PLAT: variants seen among roughly 807,000 people sequenced by gnomAD.
PLAT encodes tissue-type plasminogen activator.
PLAT carries 48 observed loss-of-function variants against 74.9 expected under a neutral mutation model. That is an observed-to-expected ratio of 0.64 (90% CI 0.51 to 0.82). PLAT has a LOEUF of 0.82. PLAT is among the 40% of genes least tolerant of loss of function. PLAT has a pLI of 0.00. For synonymous variants in PLAT, 307 were observed against 294.4 expected, an observed-to-expected ratio of 1.04 and a Z score of -0.44; for missense variants, 673 against 736.2, an observed-to-expected ratio of 0.91 and a Z score of 0.99.
In PLAT at chr8:42,174,801, T is replaced by A. The variant is rs1235344626; in HGVS notation, c.*1192A>T. On this transcript the variant is annotated 3_prime_UTR_variant, in exon 14 of 14. Coordinates refer to ENST00000220809, the MANE Select transcript of PLAT (RefSeq NM_000930.5). ...CAGCCTATGTTCCTCTTCCTGAAGT[T>A]CACTTCAGACAAGCTCAACTCATTT... Among the ~76,000 whole-genome samples the A allele has an allele frequency of 2.0e-5, 3 of 152,156 alleles. No homozygotes were observed. The highest frequency in any genetic ancestry group is 2.9e-5 in the Non-Finnish European group (2 of 68,030).
At chr8:42,176,289 A>G (rs1804972610) in intron 13 of PLAT, 138 bp from the exon 14 acceptor site, 7 of 655,274 alleles carry the variant, frequency 1.1e-5, no homozygotes, top group Non-Finnish European at 1.5e-5. Flanking sequence ...TCATTTCATT[A>G]TAACTTTGAT....
chr8:42,187,241 C>G, intron 6 of PLAT, 157 bp downstream of exon 6: 1 of 555,100 alleles, frequency 1.8e-6, no homozygotes, highest in Non-Finnish European at 3.1e-6. Flanking sequence ...AATCTATCAT[C>G]TATCACCTAT....
chr8:42,198,731 T>C (rs1806015127), intron 1 of PLAT, among the ~76,000 whole-genome samples: 1 of 152,204 alleles, frequency 6.6e-6, no homozygotes, highest in South Asian at 2.1e-4. Context: ...GTTTGCTACA[T>C]TTATCTTTGG....
At chr8:42,199,311 T>C (rs1041535445) in intron 1 of PLAT, among the ~76,000 whole-genome samples, 1 of 152,198 alleles carries the variant, frequency 6.6e-6, no homozygotes, top group Non-Finnish European at 1.5e-5. Flanking sequence ...GTGAAGAGTA[T>C]AGCATCCTCT....
At chr8:42,180,708 GCAGT>G (rs751909777) in intron 9 of PLAT, 23 bp from the exon 10 acceptor site, 1 of 1,540,720 alleles carries the variant, frequency 6.5e-7, no homozygotes, top group South Asian at 1.3e-5. Flanking sequence ...GGACGAGGAG[GCAGT>G]CAGTCCCACA....
chr8:42,181,992 G>T lies in PLAT; in HGVS notation c.834C>A (p.Cys278Ter). The T allele has an allele frequency of 6.2e-7, 1 of 1,611,108 alleles. No individual in the cohort carries two copies. Among genetic ancestry groups the T allele is most frequent in the Non-Finnish European group, 8.5e-7 (1 of 1,177,202 alleles). The change falls in exon 9 of 14, where the codon TGC becomes TGA. Residue 278 changes from cysteine to a stop codon, truncating the protein, a stop_gained. Transcript: ENST00000220809. LOFTEE classifies it high-confidence loss of function. ...RNPDGDAKPWCHVLKNRRLTW... is the reference protein window; with the variant it reads ...RNPDGDAKPW ...TCAGCCTGCGGTTCTTCAGCACGTG[G>T]CACCAGGGCTTGGCATCCCCATCAG...
intron 1 of PLAT, among the ~76,000 whole-genome samples, chr8:42,194,241 A>AGAGAGAGAGAGAGAGAGAGTGTGTGT (rs1419569830): frequency 3.8e-5 from 2 of 52,576 alleles, no homozygotes; most frequent in African/African-American, 1.3e-4. Flanking sequence ...AGAGAGAGAG[A>AGAGAGAGAGAGAGAGAGAGTGTGTGT]GTGTGTGTGT....
intron 1 of PLAT, among the ~76,000 whole-genome samples, chr8:42,194,233 AGAGAGAGAGTGTGTGT>A (rs1225754223): frequency 1.3e-4 from 8 of 61,384 alleles, no homozygotes; most frequent in African/African-American, 1.9e-4. Context: ...AGAGAGAGAG[AGAGAGAGAGTGTGTGT>A]GTGTGTGTGT....
chr8:42,188,101 A>G (rs867984816), intron 4 of PLAT, 85 bp from the exon 5 acceptor site: 1 of 736,908 alleles, frequency 1.4e-6, no homozygotes, highest in Non-Finnish European at 2.3e-6. Flanking sequence ...GTCTACCACA[A>G]TCCACACACA....
chr8:42,192,299 C>T (rs1357410632), intron 2 of PLAT, among the ~76,000 whole-genome samples: 1 of 152,152 alleles, frequency 6.6e-6, no homozygotes, highest in Non-Finnish European at 1.5e-5. Context: ...TCACTGTGCC[C>T]TGTCCTGCAT....
At chr8:42,191,701 G>A (rs1401405926) in intron 2 of PLAT, among the ~76,000 whole-genome samples, 2 of 152,064 alleles carry the variant, frequency 1.3e-5, no homozygotes, top group East Asian at 1.9e-4. Flanking sequence ...TTTGAATGTG[G>A]CCAGTGGGAC....
rs753194160 is a variant in PLAT, at chr8:42,179,972, C to T, written c.1317G>A (p.Pro439=). 5 of 1,608,314 alleles carry T rather than the reference C, an allele frequency of 3.1e-6. No individual in the cohort carries two copies. In the South Asian group the frequency reaches 3.3e-5, roughly 11 times the overall value. The change falls in exon 12 of 14, where the codon CCG becomes CCA. Residue 439 remains proline (P), a synonymous_variant. Transcript: ENST00000220809. ...VCLPPADLQL[P]DWTECELSGY... Reference sequence around the variant, plus strand: ...CGGAGAGCTCACACTCCGTCCAGTCCGGCAGCTGCAGGTCCGCCGGGGGAA... The same window carrying T: ...CGGAGAGCTCACACTCCGTCCAGTCTGGCAGCTGCAGGTCCGCCGGGGGAA...
chr8:42,178,425 C>G (rs2129690571), intron 13 of PLAT, among the ~76,000 whole-genome samples: 1 of 152,258 alleles, frequency 6.6e-6, no homozygotes, highest in South Asian at 2.1e-4. Context: ...CATGTGCCAC[C>G]ATGCCAGGCT....
Position 42,179,143 on chromosome 8 carries a change from T to A in PLAT, c.1364-80A>T. On this transcript the variant is annotated intron_variant, in intron 12 of 13. Transcript: ENST00000220809. ...TGAAAGAGAAAGCCAAATTTTCCAA[T>A]AATAGCTAACATTGATCAAGATTCA... The A allele has an allele frequency of 4.3e-6, 4 of 940,724 alleles. No homozygotes were observed. In the South Asian group the frequency reaches 6.0e-5, roughly 14 times the overall value. 58.3% of individuals were successfully genotyped at this position (940,724 alleles called of 1,614,324 possible).
At chr8:42,179,129 G>A (rs560675440) in intron 12 of PLAT, 66 bp from the exon 13 acceptor site, 10 of 1,241,760 alleles carry the variant, frequency 8.1e-6, no homozygotes, top group Non-Finnish European at 1.0e-5. Flanking sequence ...GAAAGAGAAA[G>A]CCAAATTTTC....
intron 4 of PLAT, chr8:42,188,563 C>G (rs1226268498): frequency 5.3e-6 from 1 of 188,194 alleles, no homozygotes; most frequent in African/African-American, 2.3e-5. Flanking sequence ...TGACTGGACC[C>G]CTGAACTCGA....
intron 1 of PLAT, among the ~76,000 whole-genome samples, chr8:42,194,272 G>A (rs1805821407): frequency 8.2e-6 from 1 of 122,486 alleles, no homozygotes; most frequent in Admixed American, 9.1e-5. Flanking sequence ...GTGTGTGTGT[G>A]TGTGTGTGTG....
intron 13 of PLAT, among the ~76,000 whole-genome samples, chr8:42,176,706 T>C (rs1804986400): frequency 6.6e-6 from 1 of 152,270 alleles, no homozygotes; most frequent in African/African-American, 2.4e-5. Flanking sequence ...TTCATGGTAG[T>C]AAGAGGTGTT....
intron 1 of PLAT, among the ~76,000 whole-genome samples, chr8:42,199,054 G>A (rs1262339399): frequency 6.6e-6 from 1 of 152,218 alleles, no homozygotes; most frequent in Non-Finnish European, 1.5e-5. Context: ...CCCTTTGTTC[G>A]GGACAGGAGC....
Sources: allele counts gnomAD v4.1 joint callset (sites outside exome capture counted in the v4.1 genomes callset), GRCh38; gene constraint gnomAD v4.1.1; transcripts MANE v1.5; gene names NCBI Gene and HGNC (gene_info 2026-07-23, HGNC 2026-07-21).